RANGAP1: variants seen among roughly 807,000 people sequenced by gnomAD.
The protein encoded by RANGAP1 is ran GTPase-activating protein 1.
Under a neutral mutation model 63.5 loss-of-function variants are expected in RANGAP1, and 38 were observed. That is an observed-to-expected ratio of 0.60 (90% CI 0.46 to 0.78). RANGAP1 has a LOEUF of 0.78. Among genes scored for constraint, RANGAP1 ranks in the 30% least tolerant of loss-of-function variants. The pLI, the probability that RANGAP1 is intolerant of heterozygous loss-of-function variation, is 0.00. For synonymous variants in RANGAP1, 329 were observed against 310.5 expected, an observed-to-expected ratio of 1.06 and a Z score of -0.63; for missense variants, 630 against 740.3, an observed-to-expected ratio of 0.85 and a Z score of 1.73.
chr22:41,255,293 G>C (rs2145709614), intron 10 of RANGAP1, among the ~76,000 whole-genome samples: 1 of 152,254 alleles, frequency 6.6e-6, no homozygotes, highest in South Asian at 2.1e-4. Flanking sequence ...CTCAGCTCAG[G>C]GCCTAGCACC....
the RANGAP1 span, among the ~76,000 whole-genome samples, chr22:41,301,139 C>A: frequency 6.6e-6 from 1 of 152,038 alleles, no homozygotes; most frequent in Non-Finnish European, 1.5e-5. Flanking sequence ...GGTCCTGATT[C>A]TTCTATGTGT....
intron 2 of RANGAP1, among the ~76,000 whole-genome samples, chr22:41,278,304 G>C (rs1463730561): frequency 1.3e-5 from 2 of 152,158 alleles, no homozygotes; most frequent in Non-Finnish European, 2.9e-5. Context: ...CTCCCAAAGT[G>C]CTGGGATTAC....
At chr22:41,248,378 G>A (rs1253658182) in intron 15 of RANGAP1, among the ~76,000 whole-genome samples, 4 of 152,230 alleles carry the variant, frequency 2.6e-5, no homozygotes, top group Non-Finnish European at 5.9e-5. Flanking sequence ...AGGAGGCGGC[G>A]CCATGCAGAC....
intron 15 of RANGAP1, among the ~76,000 whole-genome samples, chr22:41,247,693 G>A (rs952161285): frequency 2.0e-5 from 3 of 152,194 alleles, no homozygotes; most frequent in African/African-American, 4.8e-5. Context: ...CACTGCAAAG[G>A]AAGAAACTGA....
Position 41,270,983 on chromosome 22 carries a change from A to G in RANGAP1, c.241-2827T>C, listed in dbSNP as rs145244272. Among the ~76,000 whole-genome samples, 71 of 152,236 alleles carry G rather than the reference A, an allele frequency of 4.7e-4. 5 individuals carry two copies. The East Asian group carries it at 0.014, about 29-fold the overall frequency. On this transcript the variant is annotated intron_variant, in intron 3 of 15. Coordinates refer to ENST00000356244, the MANE Select transcript of RANGAP1 (RefSeq NM_002883.4). Reference sequence around the variant, plus strand: ...TCTAGGGCACACCGCCTGGCTTCCAATCCTGATTTAGCTGACTCCAGCCAT... The same window carrying G: ...TCTAGGGCACACCGCCTGGCTTCCAGTCCTGATTTAGCTGACTCCAGCCAT...
Position 41,281,046 on chromosome 22 carries a change from T to A in RANGAP1, c.-2A>T, listed in dbSNP as rs147259616. 13 of 1,593,674 alleles carry A rather than the reference T, an allele frequency of 8.2e-6. No homozygotes were observed. In the South Asian group the frequency reaches 1.5e-4, roughly 18 times the overall value. ...CTTGGCAATGTCTTCCGAGGCCATG[T>A]TGACTAGGCTGGTGGGCTCCCCTGG... On this transcript the variant is annotated 5_prime_UTR_variant, in exon 2 of 16. Transcript: ENST00000356244.
rs1272885413 is a variant in RANGAP1 at position 41,249,363 on chromosome 22, G to C, written c.1661C>G (p.Ala554Gly). 2.5e-6 allele frequency: 4 copies of C among 1,612,750 alleles called. No individual in the cohort carries two copies. Among genetic ancestry groups the C allele is most frequent in the Non-Finnish European group, 3.4e-6 (4 of 1,179,372 alleles). Residue 554 changes from alanine (A) to glycine (G), a missense_variant, in exon 15 of 16, where the codon GCC becomes GGC. Coordinates refer to ENST00000356244, the MANE Select transcript of RANGAP1 (RefSeq NM_002883.4). ...HMVQQDYFPK[A>G]LAPLLLAFVT... ...GAACGCCAGCAGCAGGGGTGCAAGG[G>C]CCTTGGGGAAATAGTCCTGCTGCAC...
chr22:41,301,218 T>C, the RANGAP1 span, among the ~76,000 whole-genome samples: 1 of 151,200 alleles, frequency 6.6e-6, no homozygotes, highest in Non-Finnish European at 1.5e-5. Flanking sequence ...TGAAAGCACC[T>C]GGAAGCCGGA....
At chr22:41,289,263 T>G (rs921607156), upstream of RANGAP1, among the ~76,000 whole-genome samples, 2 of 151,912 alleles carry the variant, frequency 1.3e-5, no homozygotes, top group South Asian at 2.1e-4. Flanking sequence ...ATGGGGAGAC[T>G]GGGGTTTGAA....
intron 5 of RANGAP1, among the ~76,000 whole-genome samples, chr22:41,261,934 C>T (rs2034194866): frequency 6.6e-6 from 1 of 152,302 alleles, no homozygotes; most frequent in Admixed American, 6.5e-5. Flanking sequence ...CTAAGGCCCT[C>T]TGCTAGGTGG....
At chr22:41,246,894 T>C (rs973265707) in intron 15 of RANGAP1, among the ~76,000 whole-genome samples, 7 of 152,168 alleles carry the variant, frequency 4.6e-5, no homozygotes, top group African/African-American at 1.7e-4. Context: ...CTGGCCAGAA[T>C]GAAGGCCCCC....
At chr22:41,285,677 TC>T in intron 1 of RANGAP1, 1 of 985,282 alleles carries the variant, frequency 1.0e-6, no homozygotes, top group Non-Finnish European at 1.2e-6. Flanking sequence ...CCATCTGGAA[TC>T]CCCGGCGGAC....
At chr22:41,286,862 C>T (rs897569948), upstream of RANGAP1, among the ~76,000 whole-genome samples, 5 of 152,140 alleles carry the variant, frequency 3.3e-5, no homozygotes, top group Admixed American at 3.3e-4. Context: ...TTAGTCTAAT[C>T]ATGAGAAACC....
rs772736694 is a variant in RANGAP1, at chr22:41,258,023, A to G, written c.699T>C (p.Ala233=). ...TGATGACCCGCAGCAGGGGGTTGAC[A>G]GCGAAAGCCTGGGCCAGGGCAGTGA... ...PGITALAQAF[A]VNPLLRVINL... Residue 233 remains alanine, a synonymous_variant, in exon 7 of 16, where the codon GCT becomes GCC. Coordinates refer to ENST00000356244, the MANE Select transcript of RANGAP1 (RefSeq NM_002883.4). 1 of 1,613,570 alleles carries G rather than the reference A, an allele frequency of 6.2e-7. No homozygotes were observed. The highest frequency in any genetic ancestry group is 1.1e-5 in the South Asian group (1 of 90,956).
At chr22:41,249,197 G>T in intron 15 of RANGAP1, 133 bp downstream of exon 15, 1 of 1,270,662 alleles carries the variant, frequency 7.9e-7, no homozygotes, top group Non-Finnish European at 1.1e-6. Flanking sequence ...AGGCATGAGG[G>T]CCTCTCATGC....
intron 3 of RANGAP1, among the ~76,000 whole-genome samples, chr22:41,272,558 G>A (rs1322850621): frequency 6.6e-6 from 1 of 151,838 alleles, no homozygotes; most frequent in African/African-American, 2.4e-5. Context: ...GTCTCGCTCT[G>A]TTGCTAGGCT....
At chr22:41,276,864 TC>T (rs1194172522) in intron 2 of RANGAP1, among the ~76,000 whole-genome samples, 2 of 150,828 alleles carry the variant, frequency 1.3e-5, no homozygotes, top group Non-Finnish European at 3.0e-5. Flanking sequence ...ATGCCTGTAA[TC>T]CCAGCTGCTC....
intron 15 of RANGAP1, 31 bp from the exon 16 acceptor site, chr22:41,246,703 G>GGAT (rs1369536062): frequency 6.6e-7 from 1 of 1,517,402 alleles, no homozygotes; most frequent in African/African-American, 1.4e-5. Context: ...GCAGGTCGGT[G>GGAT]GATGCCTCTT....
intron 3 of RANGAP1, among the ~76,000 whole-genome samples, chr22:41,272,638 A>G (rs559540664): frequency 6.6e-6 from 1 of 152,058 alleles, no homozygotes; most frequent in Admixed American, 6.6e-5. Flanking sequence ...CTCCTGCCTC[A>G]GCCTCCTGAG....
Sources: allele counts gnomAD v4.1 joint callset (sites outside exome capture counted in the v4.1 genomes callset), GRCh38; gene constraint gnomAD v4.1.1; transcripts MANE v1.5; gene names NCBI Gene and HGNC (gene_info 2026-07-23, HGNC 2026-07-21).